EDNRA: variants seen among roughly 807,000 people sequenced by gnomAD.
The protein encoded by EDNRA is endothelin-1 receptor.
In EDNRA, 11 loss-of-function variants were observed where a neutral mutation model predicts 41.4. That is an observed-to-expected ratio of 0.27 (90% CI 0.17 to 0.44). The LOEUF is 0.44. Ranked by LOEUF, EDNRA falls within the 20% of genes least tolerant of loss-of-function variation. The probability of loss-of-function intolerance (pLI) is 1.00; values close to 1 mark genes in which losing one functional copy is unlikely to be tolerated. For synonymous variants in EDNRA, 172 were observed against 183.0 expected, an observed-to-expected ratio of 0.94 and a Z score of 0.49; for missense variants, 294 against 531.0, an observed-to-expected ratio of 0.55 and a Z score of 4.39.
chr4:147,536,989 C>T (rs1358775323), intron 5 of EDNRA, among the ~76,000 whole-genome samples: 1 of 152,140 alleles, frequency 6.6e-6, no homozygotes, highest in African/African-American at 2.4e-5. Context: ...AGGTATTAAG[C>T]AAATGTTAAT....
At position 147,535,985 on chromosome 4, in the gene EDNRA, A is replaced by G; in HGVS notation, c.856A>G (p.Arg286Gly). 1 of 1,614,028 alleles carries G rather than the reference A, an allele frequency of 6.2e-7. No homozygotes were observed. The highest frequency in any genetic ancestry group is 1.1e-5 in the South Asian group (1 of 91,068). ...TLMTCEMLNR[R>G]NGSLRIALSE... ...CATGACTTGTGAGATGTTGAACAGA[A>G]GGAATGGCAGCTTGAGAATTGCCCT... is the stretch of plus-strand genomic sequence containing the variant. Residue 286 changes from arginine (R) to glycine (G), a missense_variant, in exon 5 of 8, where the codon AGG becomes GGG. Transcript: ENST00000651419.
chr4:147,527,745 A>G (rs1730604065), intron 3 of EDNRA, among the ~76,000 whole-genome samples: 2 of 152,196 alleles, frequency 1.3e-5, no homozygotes, highest in Admixed American at 6.5e-5. Flanking sequence ...CATGAATAAA[A>G]TATATATTTT....
At chr4:147,513,060 C>T (rs1190618740) in intron 2 of EDNRA, among the ~76,000 whole-genome samples, 3 of 152,146 alleles carry the variant, frequency 2.0e-5, no homozygotes, top group Admixed American at 6.5e-5. Context: ...CAAAGGTTAA[C>T]GAGCATGCCA....
chr4:147,518,251 A>G (rs147526770), intron 2 of EDNRA, among the ~76,000 whole-genome samples: 2 of 152,290 alleles, frequency 1.3e-5, no homozygotes, highest in Non-Finnish European at 2.9e-5. Flanking sequence ...CTTTACTTGC[A>G]CCAAGCATTA....
At chr4:147,536,148 T>A in intron 5 of EDNRA, 119 bp downstream of exon 5, 1 of 1,202,808 alleles carries the variant, frequency 8.3e-7, no homozygotes, top group Non-Finnish European at 1.2e-6. Flanking sequence ...AATACTATCC[T>A]GTAACTGTTT....
chr4:147,503,836 TG>T (rs1234103743), intron 2 of EDNRA, among the ~76,000 whole-genome samples: 1 of 152,104 alleles, frequency 6.6e-6, no homozygotes, highest in Non-Finnish European at 1.5e-5. Context: ...GTTATATTGA[TG>T]GATATTTATG....
chr4:147,527,605 T>C (rs1560913195), intron 3 of EDNRA, among the ~76,000 whole-genome samples: 1 of 152,196 alleles, frequency 6.6e-6, no homozygotes, highest in Non-Finnish European at 1.5e-5. Flanking sequence ...CTTTCAAGAA[T>C]AAACATTTTT....
chr4:147,524,720 T>C (rs1730470283), intron 3 of EDNRA, among the ~76,000 whole-genome samples: 1 of 152,180 alleles, frequency 6.6e-6, no homozygotes, highest in South Asian at 2.1e-4. Flanking sequence ...CACTTTACTA[T>C]TTTTACATTT....
rs1278852665 is a variant in EDNRA at position 147,532,662 on chromosome 4, G to C, written c.705G>C (p.Gln235His). 6.2e-7 allele frequency: 1 copy of C among 1,614,100 alleles called. No homozygotes were observed. Among genetic ancestry groups the C allele is most frequent in the Non-Finnish European group, 8.5e-7 (1 of 1,180,016 alleles). The part of the protein sequence containing the change: ...VMVPFEYRGE[Q>H]HKTCMLNATS... The stretch of plus-strand genomic sequence containing the variant: ...TACCCTTTGAATATAGGGGTGAACA[G>C]CATAAAACCTGTATGCTCAATGCCA... Residue 235 changes from glutamine (Q) to histidine (H), a missense_variant, in exon 4 of 8, where the codon CAG becomes CAC. Gln to His is a conservative substitution (Grantham distance 24). Coordinates refer to ENST00000651419, the MANE Select transcript of EDNRA (RefSeq NM_001957.4).
At chr4:147,532,769 T>C in intron 4 of EDNRA, 65 bp downstream of exon 4, 1 of 1,523,600 alleles carries the variant, frequency 6.6e-7, no homozygotes, top group Non-Finnish European at 9.1e-7. Flanking sequence ...CTTCACCATC[T>C]TGAGACTTGA....
intron 2 of EDNRA, among the ~76,000 whole-genome samples, chr4:147,512,721 G>A (rs747431929): frequency 3.9e-5 from 6 of 152,164 alleles, no homozygotes; most frequent in Non-Finnish European, 8.8e-5. Context: ...AAAGTCACCC[G>A]AGCCTGTTCT....
chr4:147,543,531 A>C lies in EDNRA; in HGVS notation c.*913A>C, dbSNP rs148962339. 6.6e-5 allele frequency: 10 copies of C among 152,326 alleles called. No individual in the cohort carries two copies. The East Asian group carries it at 1.9e-3, about 29-fold the overall frequency. 9.4% of individuals were successfully genotyped at this position (152,326 alleles called of 1,614,324 possible). ...GTACCAAAATGTTAATGTATGTGTCATTTAACTCTGCCTGAGACTTTCAGT... is the reference window on the plus strand; with the variant it reads ...GTACCAAAATGTTAATGTATGTGTCCTTTAACTCTGCCTGAGACTTTCAGT... On this transcript the variant is annotated 3_prime_UTR_variant, in exon 8 of 8. Transcript: ENST00000651419.
At chr4:147,538,513 A>T (rs1372535088) in intron 5 of EDNRA, among the ~76,000 whole-genome samples, 2 of 152,192 alleles carry the variant, frequency 1.3e-5, no homozygotes, top group African/African-American at 4.8e-5. Flanking sequence ...CTGCTTTTAA[A>T]AGCGTTATCC....
rs1731151171 is a variant in EDNRA at position 147,542,717 on chromosome 4, C to T, written c.*99C>T. 6.9e-7 allele frequency: 1 copy of T among 1,458,144 alleles called. No homozygotes were observed. 90.3% of individuals were successfully genotyped at this position (1,458,144 alleles called of 1,614,324 possible). A position where few individuals can be genotyped will look rare whatever the true frequency, so the allele number is the denominator to read the frequency against. On this transcript the variant is annotated 3_prime_UTR_variant, in exon 8 of 8. Coordinates refer to ENST00000651419, the MANE Select transcript of EDNRA (RefSeq NM_001957.4). ...GGGAATCTCTTCTCTGATCCTTCTT[C>T]CTTAATTCACTCCCACACCCAAGAA...
chr4:147,501,069 C>A (rs1006435461), intron 2 of EDNRA, among the ~76,000 whole-genome samples: 1 of 152,170 alleles, frequency 6.6e-6, no homozygotes, highest in African/African-American at 2.4e-5. Context: ...TGCAGTAGCT[C>A]CAGTGAACCC....
rs946739186 is a variant in EDNRA, at chr4:147,481,376, G to C, written c.-71G>C. 1 of 152,366 alleles carries C rather than the reference G, an allele frequency of 6.6e-6. No homozygotes were observed. 9.4% of individuals were successfully genotyped at this position (152,366 alleles called of 1,614,324 possible). A position where few individuals can be genotyped will look rare whatever the true frequency, so the allele number is the denominator to read the frequency against. Reference sequence around the variant, plus strand: ...GCTGTCTGCGCACGCCGAGCTCCACGGTCGGTGCAAGTCTTTCTTATCGGG... The same window carrying C: ...GCTGTCTGCGCACGCCGAGCTCCACCGTCGGTGCAAGTCTTTCTTATCGGG... On this transcript the variant is annotated splice_region_variant and 5_prime_UTR_variant, in exon 1 of 8. Transcript: ENST00000651419.
chr4:147,536,280 A>G (rs1464896811), intron 5 of EDNRA, among the ~76,000 whole-genome samples: 1 of 152,220 alleles, frequency 6.6e-6, no homozygotes, highest in Non-Finnish European at 1.5e-5. Context: ...CCAAGAGTGT[A>G]CTGAGCATGT....
At chr4:147,509,914 T>C (rs1578793875) in intron 2 of EDNRA, among the ~76,000 whole-genome samples, 1 of 152,192 alleles carries the variant, frequency 6.6e-6, no homozygotes, top group Non-Finnish European at 1.5e-5. Flanking sequence ...TATGCTTGAG[T>C]CATCCCAAAA....
intron 2 of EDNRA, among the ~76,000 whole-genome samples, chr4:147,513,032 A>G (rs1729980179): frequency 6.6e-6 from 1 of 152,164 alleles, no homozygotes; most frequent in African/African-American, 2.4e-5. Context: ...ATTTTATAGA[A>G]GAGAAAACTA....
Sources: allele counts gnomAD v4.1 joint callset (sites outside exome capture counted in the v4.1 genomes callset), GRCh38; gene constraint gnomAD v4.1.1; transcripts MANE v1.5; gene names NCBI Gene and HGNC (gene_info 2026-07-23, HGNC 2026-07-21).